Variants in POTEF observed in about 807,000 individuals in gnomAD.
The protein encoded by POTEF is ANKRD26-like family C member 1B.
POTEF carries 20 observed loss-of-function variants against 83.2 expected under a neutral mutation model. The observed-to-expected ratio is 0.24, with a 90% confidence interval of 0.17 to 0.35. POTEF has a LOEUF of 0.35. Among genes scored for constraint, POTEF ranks in the 10% least tolerant of loss-of-function variants. POTEF has a pLI of 1.00. For missense variants in POTEF, 550 were observed against 1,203.2 expected, an observed-to-expected ratio of 0.46 and a Z score of 8.03; for synonymous variants, 196 against 446.4, an observed-to-expected ratio of 0.44 and a Z score of 7.07.
At chr2:130,112,256 C>T (rs1375024597) in intron 5 of POTEF, among the ~76,000 whole-genome samples, 155 bp from the exon 6 acceptor site, 34 of 112,736 alleles carry the variant, frequency 3.0e-4, no homozygotes, top group African/African-American at 1.2e-3. Context: ...CTTTCCCACA[C>T]GCTGCTCCTT....
Position 130,120,084 on chromosome 2 carries a change from G to T in POTEF, c.432C>A (p.His144Gln). 1 of 1,601,354 alleles carries T rather than the reference G, an allele frequency of 6.2e-7. No individual in the cohort carries two copies. Among genetic ancestry groups the T allele is most frequent in the Middle Eastern group, 2.2e-4 (1 of 4,570 alleles). Residue 144 changes from histidine (H) to glutamine (Q), a missense_variant, in exon 3 of 17, where the codon CAC becomes CAA. Physicochemically the swap from His to Gln is conservative, Grantham distance 24 (BLOSUM62 0). Coordinates refer to ENST00000409914, the MANE Select transcript of POTEF (RefSeq NM_001099771.2). Reference sequence around the variant, plus strand: ...GGACTTTACCCCACCAGGCAGCTCTGTGGAGCTTGTCCAGATCTTCTCCAC... The same window carrying T: ...GGACTTTACCCCACCAGGCAGCTCTTTGGAGCTTGTCCAGATCTTCTCCAC... ...HVRGEDLDKL[H>Q]RAAWWGKVPR...
intron 7 of POTEF, chr2:130,109,846 C>G (rs1684659226): frequency 6.6e-6 from 1 of 151,938 alleles, no homozygotes; most frequent in Non-Finnish European, 1.5e-5. Flanking sequence ...CGGATAAAGT[C>G]AGGATGCCCA....
chr2:130,103,441 T>G (rs1684429224), intron 8 of POTEF, among the ~76,000 whole-genome samples: 1 of 148,880 alleles, frequency 6.7e-6, no homozygotes, highest in Non-Finnish European at 1.5e-5. Flanking sequence ...ACGTCTTCCT[T>G]GATTCTGCAT....
intron 3 of POTEF, among the ~76,000 whole-genome samples, chr2:130,116,250 G>C (rs1161227704): frequency 5.9e-5 from 9 of 151,284 alleles, no homozygotes; most frequent in African/African-American, 1.7e-4. Flanking sequence ...TACAATGTAT[G>C]TACATCAGAT....
chr2:130,076,847 A>ACTT (rs1180796849), intron 16 of POTEF, among the ~76,000 whole-genome samples: 1 of 151,524 alleles, frequency 6.6e-6, no homozygotes, highest in African/African-American at 2.5e-5. Flanking sequence ...AATATCAAAT[A>ACTT]CTTCTCCTTT....
At chr2:130,118,772 T>C (rs928691517) in intron 3 of POTEF, among the ~76,000 whole-genome samples, 43 of 151,824 alleles carry the variant, frequency 2.8e-4, no homozygotes, top group African/African-American at 1.0e-3. Flanking sequence ...TATGTTTCTC[T>C]TTTTGTATAT....
intron 3 of POTEF, among the ~76,000 whole-genome samples, chr2:130,115,656 G>C (rs1684828233): frequency 6.6e-6 from 1 of 152,150 alleles, no homozygotes; most frequent in Non-Finnish European, 1.5e-5. Context: ...AATGAAAATA[G>C]TAGCTTTCTC....
rs201871632 is a variant in POTEF at position 130,120,398 on chromosome 2, T to C, written c.118A>G (p.Lys40Glu). The change falls in exon 3 of 17, where the codon AAG (lysine) becomes GAG (glutamate). Residue 40 changes from lysine (K) to glutamate (E), a missense_variant. Lys to Glu is a moderately conservative substitution (Grantham distance 56, BLOSUM62 1). Transcript: ENST00000409914. ...TCTCCAGAAGTGCCCACGTTGCTCT[T>C]GCCGCTCTCCCTGCAGCAGGGGAAG... ...RCFPCCRESGKSNVGTSGDHD... is the reference protein window; with the variant it reads ...RCFPCCRESGESNVGTSGDHD... 6.9e-5 allele frequency: 112 copies of C among 1,612,544 alleles called. No homozygotes were observed. Among genetic ancestry groups the C allele is most frequent in the Admixed American group, 4.8e-4 (29 of 59,930 alleles).
Position 130,118,236 on chromosome 2 carries a change from G to A in POTEF, c.521+1759C>T, listed in dbSNP as rs558799203. 6.3e-4 allele frequency among the ~76,000 whole-genome samples: 96 copies of A among 151,828 alleles called. 2 individuals carry two copies. Among genetic ancestry groups the A allele is most frequent in the African/African-American group, 2.3e-3 (96 of 41,278 alleles). On this transcript the variant is annotated intron_variant, in intron 3 of 16. Transcript: ENST00000409914. ...GTAACAGGCGTAAGCCACTGTACCC[G>A]GCCTTTCATTCCTCTTCTAACTTAA...
At chr2:130,104,135 T>C (rs1302073002) in intron 8 of POTEF, among the ~76,000 whole-genome samples, 2 of 150,736 alleles carry the variant, frequency 1.3e-5, no homozygotes, top group Non-Finnish European at 2.9e-5. Context: ...GATGATACTA[T>C]GTAGCAATTT....
chr2:130,125,954 T>C (rs1685081554), intron 2 of POTEF, among the ~76,000 whole-genome samples: 1 of 150,994 alleles, frequency 6.6e-6, no homozygotes, highest in South Asian at 2.1e-4. Flanking sequence ...CTTTTTCTCT[T>C]GCAAAGAGGT....
Position 130,120,121 on chromosome 2 carries a change from C to T in POTEF, c.395G>A (p.Arg132Lys). The part of the protein sequence containing the change: ...DYDDSAFMEP[R>K]YHVRGEDLDK... ...CAGATCTTCTCCACGGACGTGGTAC[C>T]TGGGCTCCATGAAGGCACTGTCATC... The change falls in exon 3 of 17, where the codon AGG (arginine) becomes AAG (lysine). Residue 132 changes from arginine to lysine, a missense_variant. Physicochemically the swap from Arg to Lys is conservative, Grantham distance 26. Transcript: ENST00000409914. 6.2e-7 allele frequency: 1 copy of T among 1,608,620 alleles called. No homozygotes were observed. Among genetic ancestry groups the T allele is most frequent in the Admixed American group, 1.7e-5 (1 of 59,626 alleles).
intron 3 of POTEF, among the ~76,000 whole-genome samples, chr2:130,116,596 A>G (rs1307014957): frequency 4.8e-5 from 5 of 103,822 alleles, no homozygotes; most frequent in East Asian, 5.0e-4. Context: ...AAGTAAGAAC[A>G]TGCAATATTT....
intron 2 of POTEF, among the ~76,000 whole-genome samples, 180 bp downstream of exon 2, chr2:130,127,529 G>C (rs1286076721): frequency 6.6e-6 from 1 of 150,848 alleles, no homozygotes; most frequent in Non-Finnish European, 1.5e-5. Context: ...AGCACCAGCA[G>C]GTTCGTCCCC....
At chr2:130,119,179 T>G (rs558585988) in intron 3 of POTEF, among the ~76,000 whole-genome samples, 2 of 151,676 alleles carry the variant, frequency 1.3e-5, no homozygotes, top group South Asian at 4.2e-4. Flanking sequence ...TTTTTTTTTT[T>G]TTGAAACGGA....
chr2:130,107,366 A>G (rs1453885840), intron 8 of POTEF, among the ~76,000 whole-genome samples: 2 of 151,034 alleles, frequency 1.3e-5, no homozygotes, highest in Non-Finnish European at 2.9e-5. Context: ...GGACAAGCAT[A>G]TGTAACATGA....
intron 16 of POTEF, among the ~76,000 whole-genome samples, chr2:130,076,863 G>A (rs1264312551): frequency 6.6e-6 from 1 of 151,272 alleles, no homozygotes; most frequent in Admixed American, 6.6e-5. Flanking sequence ...CCTTTGGATT[G>A]AGGCCATTGT....
At chr2:130,122,768 T>C (rs949912090) in intron 2 of POTEF, among the ~76,000 whole-genome samples, 1 of 151,140 alleles carries the variant, frequency 6.6e-6, no homozygotes, top group African/African-American at 2.4e-5. Context: ...TACTCCTTGC[T>C]CTTTGATTTA....
At chr2:130,107,944 C>G (rs1393474576) in intron 8 of POTEF, 65 bp downstream of exon 8, 1 of 1,541,364 alleles carries the variant, frequency 6.5e-7, no homozygotes. Context: ...TTCCACAAAA[C>G]CGGTCCCTGG....
Sources: allele counts gnomAD v4.1 joint callset (sites outside exome capture counted in the v4.1 genomes callset), GRCh38; gene constraint gnomAD v4.1.1; transcripts MANE v1.5; gene names NCBI Gene and HGNC (gene_info 2026-07-23, HGNC 2026-07-21).